The following CDH4 variants were observed in gnomAD, a reference collection of about 807,000 sequenced individuals.
CDH4 encodes cadherin-4.
In CDH4, 33 loss-of-function variants were observed where a neutral mutation model predicts 86.0. The observed-to-expected ratio is 0.38, with a 90% confidence interval of 0.29 to 0.51. The LOEUF (loss-of-function observed/expected upper bound fraction) is 0.51. CDH4 is among the 20% of genes least tolerant of loss of function. The pLI is 0.86. For missense variants in CDH4, 1,114 were observed against 1,307.4 expected (o/e 0.85, Z 2.28); for synonymous variants, 555 against 549.4 (o/e 1.01, Z -0.14).
In CDH4 at chr20:61,923,707, G is replaced by A. The variant is rs2055011748; in HGVS notation, c.1628+3G>A. 1.2e-6 allele frequency: 2 copies of A among 1,612,692 alleles called. No homozygotes were observed. Among genetic ancestry groups the A allele is most frequent in the Non-Finnish European group, 1.7e-6 (2 of 1,179,964 alleles). On this transcript the variant is annotated splice_donor_region_variant and intron_variant, in intron 10 of 15. Transcript: ENST00000614565. ...CGGTTCATGCAGCAGGCTGTGAGGT[G>A]GGTGCACAGGACATGCCTCGTCCCT... is the stretch of plus-strand genomic sequence containing the variant.
At chr20:61,538,022 T>C (rs1006851215) in intron 2 of CDH4, among the ~76,000 whole-genome samples, 4 of 152,192 alleles carry the variant, frequency 2.6e-5, no homozygotes, top group African/African-American at 9.6e-5. Context: ...TGAGCAATAG[T>C]GAGCCCCTCC....
At chr20:61,752,480 C>T (rs1001711503) in intron 3 of CDH4, among the ~76,000 whole-genome samples, 1 of 152,056 alleles carries the variant, frequency 6.6e-6, no homozygotes, top group Non-Finnish European at 1.5e-5. Context: ...GACAGCAATT[C>T]AGAATTACTA....
chr20:61,686,105 G>A (rs998571089), intron 2 of CDH4, among the ~76,000 whole-genome samples: 5 of 152,312 alleles, frequency 3.3e-5, no homozygotes, highest in Admixed American at 2.6e-4. Flanking sequence ...CATCTGTACC[G>A]ATGATTTTAT....
chr20:61,525,993 C>T (rs1247588097), intron 2 of CDH4, among the ~76,000 whole-genome samples: 1 of 152,220 alleles, frequency 6.6e-6, no homozygotes, highest in Non-Finnish European at 1.5e-5. Context: ...TAGTTATCTC[C>T]ATTTTACAGA....
intron 8 of CDH4, among the ~76,000 whole-genome samples, chr20:61,908,656 G>A (rs1354145146): frequency 6.8e-6 from 1 of 147,996 alleles, no homozygotes; most frequent in Non-Finnish European, 1.5e-5. Flanking sequence ...TCCCTTCTTT[G>A]GGCTTGTGGT....
chr20:61,631,879 C>T (rs1050697537), intron 2 of CDH4, among the ~76,000 whole-genome samples: 1 of 152,242 alleles, frequency 6.6e-6, no homozygotes, highest in Non-Finnish European at 1.5e-5. Context: ...GAGGCGTGTC[C>T]TCCCTTGCAA....
chr20:61,667,547 C>T (rs1267129001), intron 2 of CDH4, among the ~76,000 whole-genome samples: 2 of 152,218 alleles, frequency 1.3e-5, no homozygotes, highest in Non-Finnish European at 2.9e-5. Context: ...CCAGACGGCC[C>T]CACTGCACCA....
chr20:61,664,634 C>G (rs148865776), intron 2 of CDH4, among the ~76,000 whole-genome samples: 1,591 of 152,326 alleles, frequency 0.01, 29 homozygotes, highest in African/African-American at 0.036. Flanking sequence ...ACTTCTACTC[C>G]CTGAGATGCT....
At chr20:61,642,200 G>A (rs966245464) in intron 2 of CDH4, among the ~76,000 whole-genome samples, 3 of 152,216 alleles carry the variant, frequency 2.0e-5, no homozygotes, top group African/African-American at 4.8e-5. Context: ...TTACCAATAC[G>A]GTCATGAATG....
chr20:61,862,527 C>A (rs1215426528), intron 6 of CDH4, among the ~76,000 whole-genome samples: 1 of 152,198 alleles, frequency 6.6e-6, no homozygotes, highest in African/African-American at 2.4e-5. Context: ...GGCGTCTCGT[C>A]CAGGGCAGGA....
intron 2 of CDH4, among the ~76,000 whole-genome samples, chr20:61,612,788 A>C (rs532313334): frequency 6.6e-6 from 1 of 152,028 alleles, no homozygotes; most frequent in Non-Finnish European, 1.5e-5. Flanking sequence ...TGCATGCTGC[A>C]TTTAGGCCTG....
chr20:61,643,397 G>A (rs1393469114), intron 2 of CDH4, among the ~76,000 whole-genome samples: 4 of 152,190 alleles, frequency 2.6e-5, no homozygotes, highest in African/African-American at 9.7e-5. Context: ...GTCCCAGAGG[G>A]GACAAACATT....
rs867395566 is a variant in CDH4, at chr20:61,811,715, A to G, written c.577-32953A>G. ...TTTTTTTTTTTGAGTTGGCACCCCC[A>G]GGCTGGAGTGCAGTGCCACGATCTC... On this transcript the variant is annotated intron_variant, in intron 4 of 15. Coordinates refer to ENST00000614565, the MANE Select transcript of CDH4 (RefSeq NM_001794.5). The surrounding 1 kb of genome is among the most constrained non-coding windows in gnomAD (Gnocchi z 4.4). Among the ~76,000 whole-genome samples the G allele has an allele frequency of 9.4e-5, 9 of 95,988 alleles. No homozygotes were observed. Among genetic ancestry groups the G allele is most frequent in the Non-Finnish European group, 2.0e-4 (9 of 46,044 alleles). 63.0% of individuals were successfully genotyped at this position (95,988 alleles called of 152,430 possible).
intron 2 of CDH4, among the ~76,000 whole-genome samples, chr20:61,448,282 A>G (rs1002658659): frequency 6.6e-6 from 1 of 152,212 alleles, no homozygotes; most frequent in Non-Finnish European, 1.5e-5. Flanking sequence ...GTGCTTTTAT[A>G]GTTTCCATAA....
intron 2 of CDH4, among the ~76,000 whole-genome samples, chr20:61,312,181 T>C (rs994631545): frequency 1.3e-5 from 2 of 150,128 alleles, no homozygotes; most frequent in African/African-American, 5.0e-5. Flanking sequence ...GGGATGTTTG[T>C]GATGTGTGCA....
At chr20:61,861,385 T>C (rs1983315705) in intron 6 of CDH4, among the ~76,000 whole-genome samples, 1 of 152,174 alleles carries the variant, frequency 6.6e-6, no homozygotes, top group Non-Finnish European at 1.5e-5. Context: ...GCTAGTTTTA[T>C]TTCCCCCGCA....
chr20:61,626,442 TGCAGAA>T (rs140845394), intron 2 of CDH4, among the ~76,000 whole-genome samples: 3,254 of 147,948 alleles, frequency 0.022, 102 homozygotes, highest in African/African-American at 0.076. Flanking sequence ...GCACGTGACT[TGCAGAA>T]GCAGAAGGAG....
intron 8 of CDH4, among the ~76,000 whole-genome samples, chr20:61,905,416 C>A (rs6121488): frequency 0.012 from 1,767 of 152,324 alleles, 36 homozygotes; most frequent in African/African-American, 0.04. Flanking sequence ...GGAGAAGCGT[C>A]AGACAGGCCC....
intron 2 of CDH4, among the ~76,000 whole-genome samples, chr20:61,693,013 G>A (rs12479878): frequency 0.21 from 31,236 of 151,996 alleles, 3,378 homozygotes; most frequent in Admixed American, 0.27. Context: ...AGCCAGCCCC[G>A]GGATGGAGAG....
Sources: allele counts gnomAD v4.1 joint callset (sites outside exome capture counted in the v4.1 genomes callset), GRCh38; gene constraint gnomAD v4.1.1; non-coding constraint Gnocchi (gnomAD v3.1); transcripts MANE v1.5; gene names NCBI Gene and HGNC (gene_info 2026-07-23, HGNC 2026-07-21).